Variants in DDX10 observed in about 807,000 individuals in gnomAD.
The protein encoded by DDX10 is probable ATP-dependent RNA helicase DDX10.
A neutral mutation model predicts 104.3 loss-of-function variants in DDX10; 74 were observed. The observed-to-expected ratio is 0.71, with a 90% confidence interval of 0.59 to 0.86. The LOEUF (loss-of-function observed/expected upper bound fraction) is 0.86. Among genes scored for constraint, DDX10 ranks in the 40% least tolerant of loss-of-function variants. The pLI, the probability that DDX10 is intolerant of heterozygous loss-of-function variation, is 0.00. For missense variants in DDX10, 952 were observed against 1,040.0 expected (o/e 0.92, Z 1.16); for synonymous variants, 351 against 353.4 (o/e 0.99, Z 0.08).
intron 15 of DDX10, 147 bp from the exon 16 acceptor site, chr11:108,852,006 C>G: frequency 1.6e-6 from 1 of 625,798 alleles, no homozygotes; most frequent in East Asian, 2.8e-5. Context: ...ATACTTGTGC[C>G]AATCCCATAG....
intron 16 of DDX10, among the ~76,000 whole-genome samples, chr11:108,853,351 A>G (rs1354075654): frequency 2.6e-5 from 4 of 152,238 alleles, no homozygotes; most frequent in African/African-American, 4.8e-5. Context: ...CATGTTCAGC[A>G]TAAAATAAGC....
At chr11:108,804,454 G>A (rs2134561465) in intron 13 of DDX10, among the ~76,000 whole-genome samples, 1 of 129,986 alleles carries the variant, frequency 7.7e-6, no homozygotes, top group South Asian at 2.6e-4. Context: ...TGAGCCGATT[G>A]CACAACTGCA....
At chr11:108,914,928 G>T (rs1479669851) in intron 16 of DDX10, among the ~76,000 whole-genome samples, 1 of 151,444 alleles carries the variant, frequency 6.6e-6, no homozygotes. Context: ...GTTTGGCATT[G>T]TCAGAAGAAA....
intron 13 of DDX10, among the ~76,000 whole-genome samples, chr11:108,738,146 GC>G (rs1301383094): frequency 6.6e-6 from 1 of 150,926 alleles, no homozygotes; most frequent in Non-Finnish European, 1.5e-5. Context: ...ACTGTCTTCT[GC>G]TTGCAGATAT....
chr11:108,823,404 A>T (rs1385177630), intron 13 of DDX10, among the ~76,000 whole-genome samples: 1 of 152,196 alleles, frequency 6.6e-6, no homozygotes, highest in Non-Finnish European at 1.5e-5. Context: ...CCATGTATGT[A>T]TTGGGATTTA....
intron 8 of DDX10, among the ~76,000 whole-genome samples, chr11:108,692,587 C>T (rs2094254329): frequency 6.6e-6 from 1 of 152,134 alleles, no homozygotes. Flanking sequence ...TAATTTGAAT[C>T]CTTCAGTCAC....
At chr11:108,785,891 T>C (rs989573181) in intron 13 of DDX10, among the ~76,000 whole-genome samples, 4 of 152,106 alleles carry the variant, frequency 2.6e-5, no homozygotes, top group Admixed American at 6.5e-5. Context: ...AGCTTTAGAG[T>C]TGAATTTTTG....
intron 16 of DDX10, among the ~76,000 whole-genome samples, chr11:108,881,498 G>T (rs1319705906): frequency 6.6e-6 from 1 of 152,182 alleles, no homozygotes; most frequent in Non-Finnish European, 1.5e-5. Context: ...CCAACTTAAA[G>T]ATGGTTTGAC....
chr11:108,683,582 T>C (rs991257602), intron 6 of DDX10, among the ~76,000 whole-genome samples: 1 of 152,226 alleles, frequency 6.6e-6, no homozygotes, highest in African/African-American at 2.4e-5. Context: ...TTGTAGTTGC[T>C]ATTCTAGGCC....
rs373242279 is a variant in DDX10, at chr11:108,860,376, T to A, written c.2304+8167T>A. Reference sequence around the variant, plus strand: ...CACTGTAGAATTATCATCTTGTAAATAGTTTGATGTTAAACGTCTTCCTAT... The same window carrying A: ...CACTGTAGAATTATCATCTTGTAAAAAGTTTGATGTTAAACGTCTTCCTAT... On this transcript the variant is annotated intron_variant, in intron 16 of 17. Coordinates refer to ENST00000322536, the MANE Select transcript of DDX10 (RefSeq NM_004398.4). Among the ~76,000 whole-genome samples the A allele has an allele frequency of 1.8e-4, 27 of 152,264 alleles. No homozygotes were observed. In the South Asian group the frequency reaches 5.6e-3, roughly 32 times the overall value.
At chr11:108,760,459 A>G (rs899777722) in intron 13 of DDX10, among the ~76,000 whole-genome samples, 1 of 152,156 alleles carries the variant, frequency 6.6e-6, no homozygotes, top group Non-Finnish European at 1.5e-5. Flanking sequence ...AACCTGTTCA[A>G]ACTCATGCAT....
At chr11:108,722,904 T>G in intron 12 of DDX10, 93 bp from the exon 13 acceptor site, 1 of 1,457,012 alleles carries the variant, frequency 6.9e-7, no homozygotes, top group Non-Finnish European at 9.0e-7. Context: ...AAAAAAGCTC[T>G]AGGAATCTCT....
Position 108,675,694 on chromosome 11 carries a change from G to A in DDX10, c.346G>A (p.Gly116Arg). ...AGATGTACTTGGAGCGGCCAAAACT[G>A]GATCTGGCAAGACTCTGGCTTTTCT... is the stretch of plus-strand genomic sequence containing the variant. ...GKDVLGAAKTGSGKTLAFLVP... is the reference protein window; with the variant it reads ...GKDVLGAAKTRSGKTLAFLVP... Residue 116 changes from glycine to arginine, a missense_variant, in exon 3 of 18, where the codon GGA (glycine) becomes AGA (arginine). Coordinates refer to ENST00000322536, the MANE Select transcript of DDX10 (RefSeq NM_004398.4). The A allele has an allele frequency of 6.2e-7, 1 of 1,614,182 alleles. No homozygotes were observed. Among genetic ancestry groups the A allele is most frequent in the Non-Finnish European group, 8.5e-7 (1 of 1,180,020 alleles).
At chr11:108,774,338 A>G (rs2094367072) in intron 13 of DDX10, among the ~76,000 whole-genome samples, 1 of 152,166 alleles carries the variant, frequency 6.6e-6, no homozygotes, top group African/African-American at 2.4e-5. Context: ...GTTGTTTACC[A>G]TTGTTCGTCC....
intron 13 of DDX10, among the ~76,000 whole-genome samples, chr11:108,815,064 A>C (rs1279669753): frequency 6.6e-6 from 1 of 152,218 alleles, no homozygotes; most frequent in African/African-American, 2.4e-5. Flanking sequence ...TATCTTATGA[A>C]TAATAAATGT....
At chr11:108,894,270 A>G (rs1863412796) in intron 16 of DDX10, among the ~76,000 whole-genome samples, 1 of 152,066 alleles carries the variant, frequency 6.6e-6, no homozygotes, top group Non-Finnish European at 1.5e-5. Flanking sequence ...AGTGCAATTG[A>G]AATACCTTTA....
At chr11:108,898,680 G>A (rs951440850) in intron 16 of DDX10, among the ~76,000 whole-genome samples, 8 of 149,210 alleles carry the variant, frequency 5.4e-5, no homozygotes, top group Non-Finnish European at 7.4e-5. Flanking sequence ...AAAAAAACAA[G>A]CGAGATTTCT....
In DDX10 at chr11:108,665,084, T is replaced by G. The variant is rs1368149010; in HGVS notation, c.-70T>G. The G allele has an allele frequency of 3.4e-6, 5 of 1,476,066 alleles. No homozygotes were observed. In the African/African-American group the frequency reaches 7.2e-5, roughly 21 times the overall value. The allele number at this position is 1,476,066 out of a possible 1,614,324, so 91.4% of individuals were successfully genotyped here. The stretch of plus-strand genomic sequence containing the variant: ...GCGCCTCTGTGCGTTTGTCCCATGC[T>G]GGTTCCGTGAGTCTGGCCTTAGGTG... On this transcript the variant is annotated 5_prime_UTR_variant, in exon 1 of 18. Coordinates refer to ENST00000322536, the MANE Select transcript of DDX10 (RefSeq NM_004398.4).
At chr11:108,900,103 ACT>A (rs372963109) in intron 16 of DDX10, among the ~76,000 whole-genome samples, 2 of 147,550 alleles carry the variant, frequency 1.4e-5, no homozygotes, top group African/African-American at 5.2e-5. Flanking sequence ...CAAGAGCAAA[ACT>A]CTGTCTCAAA....
Sources: gnomAD v4.1 joint callset for allele counts (sites outside exome capture counted in the v4.1 genomes callset) on GRCh38, gnomAD v4.1.1 for gene constraint, MANE v1.5 for transcripts, NCBI Gene and HGNC (gene_info 2026-07-23, HGNC 2026-07-21) for gene names.